PPP3CA: variants seen among roughly 807,000 people sequenced by gnomAD.
PPP3CA encodes protein phosphatase 3 catalytic subunit alpha, also known as CAM-PRP catalytic subunit.
In PPP3CA, 14 loss-of-function variants were observed where a neutral mutation model predicts 66.5. The ratio of observed to expected loss-of-function variants is 0.21; its 90% CI spans 0.14 to 0.33. The LOEUF is 0.33. Among genes scored for constraint, PPP3CA ranks in the 10% least tolerant of loss-of-function variants. PPP3CA has a pLI of 1.00. For missense variants in PPP3CA, 317 were observed against 639.5 expected, an observed-to-expected ratio of 0.50 and a Z score of 5.44; for synonymous variants, 232 against 226.2, an observed-to-expected ratio of 1.03 and a Z score of -0.23.
chr4:101,292,438 G>A (rs896357410), intron 1 of PPP3CA, among the ~76,000 whole-genome samples: 1 of 152,062 alleles, frequency 6.6e-6, no homozygotes, highest in Non-Finnish European at 1.5e-5. Context: ...CAGTACATGC[G>A]CCTCTCCCAT....
intron 2 of PPP3CA, among the ~76,000 whole-genome samples, chr4:101,125,343 G>C (rs1226414198): frequency 6.6e-6 from 1 of 152,120 alleles, no homozygotes; most frequent in East Asian, 1.9e-4. Flanking sequence ...TACTGCACTT[G>C]CACCTACTCC....
chr4:101,300,768 C>A (rs1299466948), intron 1 of PPP3CA, among the ~76,000 whole-genome samples: 1 of 152,206 alleles, frequency 6.6e-6, no homozygotes, highest in Admixed American at 6.5e-5. Context: ...ACACTCCAGC[C>A]TGGGTGACAG....
intron 1 of PPP3CA, among the ~76,000 whole-genome samples, chr4:101,197,483 T>G (rs946776439): frequency 5.3e-5 from 8 of 152,138 alleles, no homozygotes; most frequent in African/African-American, 1.9e-4. Flanking sequence ...CAAACCTGGG[T>G]GCGAACCTTG....
intron 2 of PPP3CA, among the ~76,000 whole-genome samples, chr4:101,152,294 T>A (rs1324349772): frequency 6.6e-6 from 1 of 152,226 alleles, no homozygotes; most frequent in African/African-American, 2.4e-5. Context: ...TGTATTAACA[T>A]AAATCCTTAT....
intron 13 of PPP3CA, among the ~76,000 whole-genome samples, chr4:101,028,830 G>T (rs1302297246): frequency 1.3e-5 from 2 of 152,094 alleles, no homozygotes; most frequent in African/African-American, 4.8e-5. Context: ...GGAGGGACAT[G>T]GTTCAGCTCA....
Position 101,268,992 on chromosome 4 carries a change from G to A in PPP3CA, c.59-72876C>T, listed in dbSNP as rs1294598197. Among the ~76,000 whole-genome samples, 8 of 152,218 alleles carry A rather than the reference G, an allele frequency of 5.3e-5. 2 individuals are homozygous for A. Among genetic ancestry groups the A allele is most frequent in the Non-Finnish European group, 1.5e-5 (1 of 67,978 alleles). ...GAAAACTGCTATGAAAATTACAGAAGAGCAGATATAAAATTCATTTATCAT... is the reference window on the plus strand; with the variant it reads ...GAAAACTGCTATGAAAATTACAGAAAAGCAGATATAAAATTCATTTATCAT... On this transcript the variant is annotated intron_variant, in intron 1 of 13. Coordinates refer to ENST00000394854, the MANE Select transcript of PPP3CA (RefSeq NM_000944.5).
At chr4:101,082,055 T>A (rs1310269087) in intron 7 of PPP3CA, among the ~76,000 whole-genome samples, 1 of 152,142 alleles carries the variant, frequency 6.6e-6, no homozygotes, top group East Asian at 1.9e-4. Flanking sequence ...AGTAAGCCAG[T>A]GGTTATGGGT....
intron 1 of PPP3CA, among the ~76,000 whole-genome samples, chr4:101,198,096 C>T (rs546964884): frequency 1.3e-5 from 2 of 151,814 alleles, no homozygotes; most frequent in South Asian, 4.2e-4. Context: ...ATGTATAATG[C>T]CAAAGAATAG....
At chr4:101,236,594 T>C (rs1330817301) in intron 1 of PPP3CA, among the ~76,000 whole-genome samples, 1 of 152,024 alleles carries the variant, frequency 6.6e-6, no homozygotes, top group Admixed American at 6.6e-5. Flanking sequence ...GGCCAGTCCT[T>C]TGCCTTGATC....
At chr4:101,269,964 G>C (rs1323483953) in intron 1 of PPP3CA, among the ~76,000 whole-genome samples, 1 of 152,074 alleles carries the variant, frequency 6.6e-6, no homozygotes, top group Non-Finnish European at 1.5e-5. Flanking sequence ...ACAGCTGGCT[G>C]CTGAGGATTT....
At chr4:101,227,128 A>ACATG (rs200804322) in intron 1 of PPP3CA, among the ~76,000 whole-genome samples, 6 of 151,638 alleles carry the variant, frequency 4.0e-5, no homozygotes, top group South Asian at 2.1e-4. Context: ...ACACATACAT[A>ACATG]CATACATACA....
intron 2 of PPP3CA, among the ~76,000 whole-genome samples, chr4:101,153,312 C>A (rs1284981411): frequency 6.6e-6 from 1 of 152,120 alleles, no homozygotes; most frequent in Non-Finnish European, 1.5e-5. Flanking sequence ...GAAAGCATGA[C>A]ATTATACCAA....
chr4:101,333,282 T>G (rs971750481), intron 1 of PPP3CA, among the ~76,000 whole-genome samples: 35 of 99,546 alleles, frequency 3.5e-4, no homozygotes, highest in Middle Eastern at 4.4e-3. Context: ...TTTTTTTTTT[T>G]TTTTTTTTTT....
At chr4:101,202,324 G>A (rs1242474258) in intron 1 of PPP3CA, among the ~76,000 whole-genome samples, 2 of 152,064 alleles carry the variant, frequency 1.3e-5, no homozygotes, top group African/African-American at 4.8e-5. Flanking sequence ...ACCAAAATAC[G>A]TGAATTCTGA....
At chr4:101,324,458 T>C (rs959046134) in intron 1 of PPP3CA, among the ~76,000 whole-genome samples, 6 of 152,140 alleles carry the variant, frequency 3.9e-5, no homozygotes, top group Admixed American at 2.0e-4. Context: ...ACTCACTAAA[T>C]GCAGCTAAAC....
chr4:101,335,060 A>C (rs188971381), intron 1 of PPP3CA, among the ~76,000 whole-genome samples: 3 of 152,186 alleles, frequency 2.0e-5, no homozygotes, highest in Admixed American at 2.0e-4. Flanking sequence ...GTTGAACGTA[A>C]ATCCACTCTC....
At chr4:101,249,894 AAAATAGCAAACT>A (rs1211623024) in intron 1 of PPP3CA, among the ~76,000 whole-genome samples, 2 of 152,166 alleles carry the variant, frequency 1.3e-5, no homozygotes, top group African/African-American at 4.8e-5. Flanking sequence ...AACATAATAC[AAAATAGCAAACT>A]AATTTTCTAG....
intron 2 of PPP3CA, among the ~76,000 whole-genome samples, chr4:101,160,566 T>C (rs1578507314): frequency 1.3e-5 from 2 of 152,226 alleles, no homozygotes; most frequent in East Asian, 1.9e-4. Flanking sequence ...CTTGCAAAAT[T>C]ATTAATAATC....
At position 101,311,461 on chromosome 4, in the gene PPP3CA, T is replaced by C. The variant is rs141128778; in HGVS notation, c.58+35278A>G. 6.6e-5 allele frequency among the ~76,000 whole-genome samples: 10 copies of C among 152,282 alleles called. No individual in the cohort carries two copies. The East Asian group carries it at 1.9e-3, about 29-fold the overall frequency. ...CCCTAAGCCATGCTGCCTCTCTATA[T>C]TGTAAGGCAATACTAAACATTAAGA... On this transcript the variant is annotated intron_variant, in intron 1 of 13. Transcript: ENST00000394854.
Sources: allele counts gnomAD v4.1 joint callset (sites outside exome capture counted in the v4.1 genomes callset), GRCh38; gene constraint gnomAD v4.1.1; transcripts MANE v1.5; gene names NCBI Gene and HGNC (gene_info 2026-07-23, HGNC 2026-07-21).